Variants in CEP112 observed in about 807,000 individuals in gnomAD.
The protein encoded by CEP112 is centrosomal protein of 112 kDa.
CEP112 carries 127 observed loss-of-function variants against 153.0 expected under a neutral mutation model. The ratio of observed to expected loss-of-function variants is 0.83; its 90% CI spans 0.72 to 0.96. The LOEUF (loss-of-function observed/expected upper bound fraction) is 0.96, where lower values mean the gene tolerates loss of function less well. CEP112 is among the 40% of genes least tolerant of loss of function. CEP112 has a pLI of 0.00. For missense variants in CEP112, 1,089 were observed against 1,101.2 expected, an observed-to-expected ratio of 0.99 and a Z score of 0.16; for synonymous variants, 358 against 374.4, an observed-to-expected ratio of 0.96 and a Z score of 0.51.
At chr17:66,005,628 T>G in intron 17 of CEP112, 62 bp downstream of exon 17, 1 of 1,555,428 alleles carries the variant, frequency 6.4e-7, no homozygotes. Flanking sequence ...CCCAGTTACT[T>G]AATTTGGCTC....
intron 23 of CEP112, among the ~76,000 whole-genome samples, chr17:65,724,398 T>C (rs1021875318): frequency 6.6e-6 from 1 of 152,214 alleles, no homozygotes; most frequent in Non-Finnish European, 1.5e-5. Context: ...GATTTCCTGA[T>C]GCAGTAGCAA....
At chr17:66,057,045 C>T (rs1005336276) in intron 11 of CEP112, among the ~76,000 whole-genome samples, 1 of 152,058 alleles carries the variant, frequency 6.6e-6, no homozygotes, top group Non-Finnish European at 1.5e-5. Flanking sequence ...GTCCTAAGAA[C>T]TAAGGAAACA....
chr17:66,098,397 T>A (rs1406685174), intron 6 of CEP112, among the ~76,000 whole-genome samples: 1 of 152,216 alleles, frequency 6.6e-6, no homozygotes, highest in Non-Finnish European at 1.5e-5. Flanking sequence ...AATTATTGGA[T>A]TCTAGTTCTC....
chr17:65,887,623 C>A (rs1310251387), intron 20 of CEP112, among the ~76,000 whole-genome samples: 1 of 152,156 alleles, frequency 6.6e-6, no homozygotes, highest in East Asian at 1.9e-4. Flanking sequence ...TCAGCAAATG[C>A]GGTGCTAGGG....
At chr17:66,129,599 T>A in intron 6 of CEP112, 147 bp downstream of exon 6, 1 of 478,770 alleles carries the variant, frequency 2.1e-6, no homozygotes. Flanking sequence ...ATTTATTTCC[T>A]ATACTTAAGC....
chr17:66,171,317 T>C (rs949419274), intron 4 of CEP112, among the ~76,000 whole-genome samples: 2 of 152,014 alleles, frequency 1.3e-5, no homozygotes, highest in Admixed American at 6.5e-5. Flanking sequence ...GGGGGAAAAA[T>C]CTTTTAAGAT....
At chr17:65,931,564 T>G (rs10853061) in intron 18 of CEP112, among the ~76,000 whole-genome samples, 72,504 of 151,700 alleles carry the variant, frequency 0.48, 18,271 homozygotes, top group East Asian at 0.89. Context: ...AGATCAGCTA[T>G]AAACAATGAA....
intron 17 of CEP112, among the ~76,000 whole-genome samples, chr17:66,001,441 T>A (rs369878215): frequency 3.5e-4 from 53 of 152,304 alleles, no homozygotes; most frequent in African/African-American, 1.1e-3. Context: ...TACATATACT[T>A]AATACTAACT....
chr17:66,132,836 C>T (rs2070254077), intron 4 of CEP112, 73 bp from the exon 5 acceptor site: 1 of 981,968 alleles, frequency 1.0e-6, no homozygotes, highest in African/African-American at 1.6e-5. Flanking sequence ...TCTAGGATTA[C>T]CATTTCTTTC....
intron 24 of CEP112, among the ~76,000 whole-genome samples, chr17:65,665,745 A>T (rs2046659885): frequency 6.6e-6 from 1 of 152,218 alleles, no homozygotes; most frequent in East Asian, 1.9e-4. Flanking sequence ...ATGAAGCAAC[A>T]TATTCTTCTT....
intron 23 of CEP112, among the ~76,000 whole-genome samples, chr17:65,721,492 C>T (rs1333117643): frequency 1.3e-5 from 2 of 152,206 alleles, no homozygotes; most frequent in Admixed American, 1.3e-4. Context: ...CTTCATACCA[C>T]TGTGCTGGTA....
chr17:65,761,084 G>A (rs961469414), intron 21 of CEP112, among the ~76,000 whole-genome samples: 2 of 151,792 alleles, frequency 1.3e-5, no homozygotes, highest in Non-Finnish European at 2.9e-5. Flanking sequence ...GCTCTTTAGT[G>A]ATACCTCATT....
At chr17:65,958,158 G>A (rs1404861142) in intron 18 of CEP112, among the ~76,000 whole-genome samples, 2 of 152,104 alleles carry the variant, frequency 1.3e-5, no homozygotes, top group African/African-American at 4.8e-5. Flanking sequence ...GTTTCCTTAT[G>A]TGTGGGAAGT....
At chr17:65,870,517 T>C (rs1171608662) in intron 20 of CEP112, among the ~76,000 whole-genome samples, 1 of 152,226 alleles carries the variant, frequency 6.6e-6, no homozygotes, top group Non-Finnish European at 1.5e-5. Flanking sequence ...AAGTACTATA[T>C]ATTTTTTCTA....
At chr17:66,033,638 C>T (rs9911747) in intron 12 of CEP112, among the ~76,000 whole-genome samples, 78,316 of 152,070 alleles carry the variant, frequency 0.52, 21,099 homozygotes, top group African/African-American at 0.59. Context: ...AGTTCTCCAC[C>T]TAAATGTCAT....
At chr17:66,017,739 A>G (rs1179747113) in intron 16 of CEP112, among the ~76,000 whole-genome samples, 2 of 152,208 alleles carry the variant, frequency 1.3e-5, no homozygotes, top group East Asian at 3.9e-4. Flanking sequence ...AGTCGCTCAC[A>G]CCTGCAATTC....
intron 2 of CEP112, 59 bp downstream of exon 2, chr17:66,183,135 C>A: frequency 8.3e-7 from 1 of 1,211,866 alleles, no homozygotes; most frequent in African/African-American, 1.6e-5. Flanking sequence ...ATTGGTTTGA[C>A]TAAATAATAT....
chr17:66,107,594 G>A (rs1237256306), intron 6 of CEP112, among the ~76,000 whole-genome samples: 2 of 151,822 alleles, frequency 1.3e-5, no homozygotes, highest in Admixed American at 6.6e-5. Flanking sequence ...ATAAAAGAGT[G>A]AAAGATCAGT....
chr17:65,805,840 C>T (rs1369795130), intron 21 of CEP112, among the ~76,000 whole-genome samples: 1 of 152,124 alleles, frequency 6.6e-6, no homozygotes, highest in African/African-American at 2.4e-5. Context: ...AAAATCAAAA[C>T]TTTAAAAAAA....
Sources: gnomAD v4.1 joint callset for allele counts (sites outside exome capture counted in the v4.1 genomes callset) on GRCh38, gnomAD v4.1.1 for gene constraint, MANE v1.5 for transcripts, NCBI Gene and HGNC (gene_info 2026-07-23, HGNC 2026-07-21) for gene names.